PALMD: variants seen among roughly 807,000 people sequenced by gnomAD.
PALMD encodes paralemmin-like protein.
PALMD carries 42 observed loss-of-function variants against 56.2 expected under a neutral mutation model. That is an observed-to-expected ratio of 0.75 (90% CI 0.58 to 0.97). The LOEUF (loss-of-function observed/expected upper bound fraction) is 0.97, where lower values mean the gene tolerates loss of function less well. Among genes scored for constraint, PALMD ranks in the 50% least tolerant of loss-of-function variants. PALMD has a pLI of 0.00. For synonymous variants in PALMD, 242 were observed against 222.9 expected, an observed-to-expected ratio of 1.09 and a Z score of -0.76; for missense variants, 660 against 643.8, an observed-to-expected ratio of 1.03 and a Z score of -0.27.
At chr1:99,671,866 T>C (rs1357999400) in intron 3 of PALMD, among the ~76,000 whole-genome samples, 2 of 152,174 alleles carry the variant, frequency 1.3e-5, no homozygotes, top group East Asian at 1.9e-4. Flanking sequence ...CCCTAAGTCA[T>C]ACAGCAAAAC....
chr1:99,678,665 C>CA (rs200532959), intron 3 of PALMD, among the ~76,000 whole-genome samples: 2,407 of 152,106 alleles, frequency 0.016, 31 homozygotes, highest in South Asian at 0.042. Flanking sequence ...AAAAAACTCA[C>CA]AAAATATAGG....
Position 99,646,270 on chromosome 1 carries a change from TG to T in PALMD, c.-46del. 1.3e-6 allele frequency: 2 copies of T among 1,529,210 alleles called. No homozygotes were observed. The highest frequency in any genetic ancestry group is 1.8e-6 in the Non-Finnish European group (2 of 1,102,962). The allele number at this position is 1,529,210 out of a possible 1,614,324, so 94.7% of individuals were successfully genotyped here. A position where few individuals can be genotyped will look rare whatever the true frequency, so the allele number is the denominator to read the frequency against. On this transcript the variant is annotated 5_prime_UTR_variant, in exon 1 of 8. The change creates a premature stop within an existing upstream ORF in the 5' untranslated region. Transcript: ENST00000263174. ...CTCCCCCAGGAGGCTCCTTGATTTA[TG>T]GTAGCTTTGGACTTGCTTCCCCGTC...
chr1:99,685,150 C>T (rs1653457412), intron 3 of PALMD: 1 of 150,896 alleles, frequency 6.6e-6, no homozygotes, highest in African/African-American at 2.5e-5. Flanking sequence ...TACATCATCT[C>T]TTAGTGTCAC....
intron 3 of PALMD, among the ~76,000 whole-genome samples, chr1:99,677,504 C>T (rs1404982202): frequency 6.6e-6 from 1 of 152,044 alleles, no homozygotes; most frequent in Non-Finnish European, 1.5e-5. Flanking sequence ...TTGCTACCTC[C>T]TAAGGGATGC....
At chr1:99,677,864 T>C (rs894650850) in intron 3 of PALMD, among the ~76,000 whole-genome samples, 17 of 152,202 alleles carry the variant, frequency 1.1e-4, no homozygotes, top group Non-Finnish European at 2.4e-4. Flanking sequence ...ATTTACTAAA[T>C]AGACATCATC....
chr1:99,694,116 CA>C lies in PALMD; in HGVS notation c.*57del. 8.2e-7 allele frequency: 1 copy of C among 1,221,736 alleles called. No homozygotes were observed. The highest frequency in any genetic ancestry group is 1.2e-6 in the Non-Finnish European group (1 of 848,112). The allele number at this position is 1,221,736 out of a possible 1,614,324, so 75.7% of individuals were successfully genotyped here. A position where few individuals can be genotyped will look rare whatever the true frequency, so the allele number is the denominator to read the frequency against. On this transcript the variant is annotated 3_prime_UTR_variant, in exon 8 of 8. Coordinates refer to ENST00000263174, the MANE Select transcript of PALMD (RefSeq NM_017734.5). ...TGAAGAAGAAACTAAGAAGCATTTGCAAATTTCTCTTCTGGATATTTTGTTT... is the reference window on the plus strand; with the variant it reads ...TGAAGAAGAAACTAAGAAGCATTTGCAATTTCTCTTCTGGATATTTTGTTT...
chr1:99,694,217 T>C lies in PALMD; in HGVS notation c.*155T>C, dbSNP rs2100880174. On this transcript the variant is annotated 3_prime_UTR_variant, in exon 8 of 8. Transcript: ENST00000263174. ...CATGTGAATAAGTAGTAGTCATTAT[T>C]TGTGAAAAATTCCCAAAAAGCTGGG... 1 of 468,144 alleles carries C rather than the reference T, an allele frequency of 2.1e-6. No homozygotes were observed. Among genetic ancestry groups the C allele is most frequent in the East Asian group, 3.5e-5 (1 of 28,528 alleles). 29.0% of individuals were successfully genotyped at this position (468,144 alleles called of 1,614,324 possible).
intron 7 of PALMD, among the ~76,000 whole-genome samples, chr1:99,690,926 AC>A (rs1242517875): frequency 2.6e-5 from 4 of 152,166 alleles, no homozygotes; most frequent in African/African-American, 9.7e-5. Flanking sequence ...TTCTTCCTCT[AC>A]AACCCATAAG....
rs754281500 is a variant in PALMD at position 99,694,092 on chromosome 1, G to A, written c.*30G>A. The stretch of plus-strand genomic sequence containing the variant: ...TGTACCACCTATATAAACATCCTTT[G>A]AAGAAGAAACTAAGAAGCATTTGCA... On this transcript the variant is annotated 3_prime_UTR_variant, in exon 8 of 8. Coordinates refer to ENST00000263174, the MANE Select transcript of PALMD (RefSeq NM_017734.5). The A allele has an allele frequency of 4.8e-5, 71 of 1,485,136 alleles. No homozygotes were observed. The highest frequency in any genetic ancestry group is 6.8e-5 in the East Asian group (3 of 44,080). 92.0% of individuals were successfully genotyped at this position (1,485,136 alleles called of 1,614,324 possible). A position where few individuals can be genotyped will look rare whatever the true frequency, so the allele number is the denominator to read the frequency against.
chr1:99,664,801 C>T (rs1490500108), intron 2 of PALMD, among the ~76,000 whole-genome samples: 1 of 152,172 alleles, frequency 6.6e-6, no homozygotes, highest in Admixed American at 6.5e-5. Flanking sequence ...CTCCACTTTC[C>T]TGATTGCAAA....
rs183718831 is a variant in PALMD at position 99,659,266 on chromosome 1, G to A, written c.46-3053G>A. 7.9e-5 allele frequency among the ~76,000 whole-genome samples: 12 copies of A among 152,290 alleles called. No individual in the cohort carries two copies. The East Asian group carries it at 9.6e-4, about 12-fold the overall frequency. The stretch of plus-strand genomic sequence containing the variant: ...CACAATAACTATAGTTGTACAAGGC[G>A]AATAAATTAATTTTCAAAATAATTA... On this transcript the variant is annotated intron_variant, in intron 1 of 7. Coordinates refer to ENST00000263174, the MANE Select transcript of PALMD (RefSeq NM_017734.5).
chr1:99,658,199 G>A (rs977566321), intron 1 of PALMD, among the ~76,000 whole-genome samples: 1 of 151,504 alleles, frequency 6.6e-6, no homozygotes, highest in African/African-American at 2.4e-5. Flanking sequence ...ATCTACTTGG[G>A]AGGCTTAGGC....
chr1:99,692,604 C>A (rs528810040), intron 7 of PALMD, among the ~76,000 whole-genome samples: 2 of 152,216 alleles, frequency 1.3e-5, no homozygotes, highest in South Asian at 4.2e-4. Context: ...CTCTGAATGT[C>A]CACAGCACAC....
At chr1:99,649,247 A>G (rs1011824874) in intron 1 of PALMD, among the ~76,000 whole-genome samples, 4 of 152,200 alleles carry the variant, frequency 2.6e-5, no homozygotes, top group Admixed American at 2.0e-4. Context: ...GTTTTCAACT[A>G]TAATTTAAAC....
chr1:99,690,884 C>A (rs1296622142), intron 7 of PALMD, among the ~76,000 whole-genome samples: 2 of 152,092 alleles, frequency 1.3e-5, no homozygotes, highest in East Asian at 3.9e-4. Context: ...TGTGGTAGTA[C>A]CTGCACAATT....
At chr1:99,660,340 C>T (rs1271913712) in intron 1 of PALMD, among the ~76,000 whole-genome samples, 2 of 152,200 alleles carry the variant, frequency 1.3e-5, no homozygotes, top group African/African-American at 2.4e-5. Context: ...CTGGCTCCGA[C>T]AATTGTCAGA....
chr1:99,686,612 C>T lies in PALMD; in HGVS notation c.252-64C>T, dbSNP rs191533932. ...AAGGAAACTTTATATATGGGGAAGA[C>T]ATATTTGAGAACTCCGCATTTGTAC... On this transcript the variant is annotated intron_variant, in intron 3 of 7. Coordinates refer to ENST00000263174, the MANE Select transcript of PALMD (RefSeq NM_017734.5). 202 of 762,732 alleles carry T rather than the reference C, an allele frequency of 2.6e-4. 4 individuals are homozygous for T. In the East Asian group the frequency reaches 5.0e-3, roughly 19 times the overall value. 47.2% of individuals were successfully genotyped at this position (762,732 alleles called of 1,614,324 possible).
At chr1:99,664,734 T>C (rs1237266211) in intron 2 of PALMD, among the ~76,000 whole-genome samples, 2 of 152,232 alleles carry the variant, frequency 1.3e-5, no homozygotes, top group African/African-American at 2.4e-5. Flanking sequence ...TCTGTTGGCC[T>C]CTATAGCCTG....
chr1:99,688,603 C>T (rs989222621), intron 6 of PALMD, among the ~76,000 whole-genome samples, 172 bp from the exon 7 acceptor site: 1 of 152,024 alleles, frequency 6.6e-6, no homozygotes, highest in Admixed American at 6.6e-5. Context: ...CCGTGTTATT[C>T]CAGTTGGTCA....
Sources: gnomAD v4.1 joint callset for allele counts (sites outside exome capture counted in the v4.1 genomes callset) on GRCh38, gnomAD v4.1.1 for gene constraint, MANE v1.5 for transcripts, NCBI Gene and HGNC (gene_info 2026-07-23, HGNC 2026-07-21) for gene names.